SEZ6L: variants seen among roughly 807,000 people sequenced by gnomAD.
SEZ6L encodes seizure 6-like protein.
SEZ6L carries 37 observed loss-of-function variants against 106.2 expected under a neutral mutation model. The ratio of observed to expected loss-of-function variants is 0.35; its 90% CI spans 0.27 to 0.46. The LOEUF is 0.46. Among genes scored for constraint, SEZ6L ranks in the 20% least tolerant of loss-of-function variants. SEZ6L has a pLI of 1.00. For synonymous variants in SEZ6L, 541 were observed against 570.4 expected (o/e 0.95, Z 0.73); for missense variants, 1,172 against 1,332.8 (o/e 0.88, Z 1.88).
rs964423822 is a variant in SEZ6L, at chr22:26,349,052, A to C, written c.2407+1139A>C. On this transcript the variant is annotated intron_variant, in intron 11 of 16. Transcript: ENST00000248933. Reference sequence around the variant, plus strand: ...TGAACATGAACTAGTTCCCTATAGAAGTCTTCTTACCTGCCTCATTTTTTG... The same window carrying C: ...TGAACATGAACTAGTTCCCTATAGACGTCTTCTTACCTGCCTCATTTTTTG... Among the ~76,000 whole-genome samples, 3 of 152,268 alleles carry C rather than the reference A, an allele frequency of 2.0e-5. No homozygotes were observed. The South Asian group carries it at 6.2e-4, about 32-fold the overall frequency.
At chr22:26,314,886 G>A (rs1209773224) in intron 9 of SEZ6L, among the ~76,000 whole-genome samples, 1 of 152,250 alleles carries the variant, frequency 6.6e-6, no homozygotes, top group Non-Finnish European at 1.5e-5. Context: ...GCGAGCAGCG[G>A]GGCTGAAATT....
chr22:26,214,551 C>T (rs1332228343), intron 1 of SEZ6L, among the ~76,000 whole-genome samples: 3 of 152,216 alleles, frequency 2.0e-5, no homozygotes, highest in African/African-American at 7.2e-5. Flanking sequence ...GCAGGAATAT[C>T]ATGTGGAGTA....
At chr22:26,244,157 T>C (rs1454581827) in intron 1 of SEZ6L, among the ~76,000 whole-genome samples, 1 of 127,526 alleles carries the variant, frequency 7.8e-6, no homozygotes, top group Non-Finnish European at 1.6e-5. Flanking sequence ...AGTGAGACCC[T>C]ATCTCAAAAG....
In SEZ6L at chr22:26,306,052, T is replaced by A; in HGVS notation, c.1422T>A (p.Asn474Lys). Residue 474 changes from asparagine (N) to lysine (K), a missense_variant, in exon 6 of 17, where the codon AAT becomes AAA. Physicochemically the swap from Asn to Lys is moderately conservative, Grantham distance 94 (BLOSUM62 0). This residue lies in a region of SEZ6L where 534 missense variants were observed against 691.0 expected (regional missense o/e 0.77). Transcript: ENST00000248933. ...CCCCAAGTTACCCTGAAAACACAAA[T>A]GGGAGCCAATTCTGCATCTGGACGA... ...VLSPSYPENT[N>K]GSQFCIWTIE... The A allele has an allele frequency of 6.3e-7, 1 of 1,584,632 alleles. No individual in the cohort carries two copies. The highest frequency in any genetic ancestry group is 8.6e-7 in the Non-Finnish European group (1 of 1,161,352).
At chr22:26,348,578 G>T (rs1569473343) in intron 11 of SEZ6L, among the ~76,000 whole-genome samples, 1 of 77,080 alleles carries the variant, frequency 1.3e-5, no homozygotes. Flanking sequence ...AAGAAAGAAA[G>T]AAAGAAAGAG....
chr22:26,291,884 A>G (rs183099194), intron 1 of SEZ6L, among the ~76,000 whole-genome samples: 27 of 152,240 alleles, frequency 1.8e-4, no homozygotes, highest in Non-Finnish European at 3.2e-4. Context: ...CCCAGTACAT[A>G]TACAACCAGG....
Position 26,169,479 on chromosome 22 carries a change from C to A in SEZ6L, c.-191C>A. ...TCCTCCTCACTCGCCCGCCCGCGCCCGGCGCAGCTCGGCCAGAGCGACCGC... is the reference window on the plus strand; with the variant it reads ...TCCTCCTCACTCGCCCGCCCGCGCCAGGCGCAGCTCGGCCAGAGCGACCGC... On this transcript the variant is annotated 5_prime_UTR_variant, in exon 1 of 17. Coordinates refer to ENST00000248933, the MANE Select transcript of SEZ6L (RefSeq NM_021115.5). 2.9e-6 allele frequency: 1 copy of A among 341,324 alleles called. No individual in the cohort carries two copies. Among genetic ancestry groups the A allele is most frequent in the Non-Finnish European group, 5.3e-6 (1 of 189,860 alleles). The allele number at this position is 341,324 out of a possible 1,614,324, so 21.1% of individuals were successfully genotyped here.
At chr22:26,265,183 A>G (rs2080136180) in intron 1 of SEZ6L, among the ~76,000 whole-genome samples, 1 of 152,118 alleles carries the variant, frequency 6.6e-6, no homozygotes, top group Admixed American at 6.6e-5. Context: ...GGGAGGAGGT[A>G]GGGATGGCAT....
rs1431105482 is a variant in SEZ6L at position 26,311,767 on chromosome 22, G to C, written c.1682-1G>C. ...CTGCTGCCTCTCTTTCCCTTCCTCA[G>C]CGTTTGAGAAAGGCCACTGCTATGA... On this transcript the variant is annotated splice_acceptor_variant, in intron 7 of 16. Transcript: ENST00000248933. LOFTEE classifies it high-confidence loss of function. The C allele has an allele frequency of 6.2e-7, 1 of 1,613,248 alleles. No homozygotes were observed. Among genetic ancestry groups the C allele is most frequent in the Non-Finnish European group, 8.5e-7 (1 of 1,179,218 alleles).
chr22:26,325,484 G>C (rs1008885128), intron 9 of SEZ6L, among the ~76,000 whole-genome samples: 1 of 152,206 alleles, frequency 6.6e-6, no homozygotes, highest in African/African-American at 2.4e-5. Flanking sequence ...GGAAGAATAA[G>C]AGACAAGATT....
chr22:26,178,812 G>T (rs1262420534), intron 1 of SEZ6L, among the ~76,000 whole-genome samples: 3 of 152,172 alleles, frequency 2.0e-5, no homozygotes, highest in Non-Finnish European at 4.4e-5. Flanking sequence ...TGATGGGAGT[G>T]GGTGGTAGTG....
intron 1 of SEZ6L, among the ~76,000 whole-genome samples, chr22:26,174,371 G>A (rs780353388): frequency 6.6e-6 from 1 of 152,202 alleles, no homozygotes; most frequent in Non-Finnish European, 1.5e-5. Flanking sequence ...AGAGGAAACA[G>A]AGGAGCGAGT....
intron 1 of SEZ6L, among the ~76,000 whole-genome samples, chr22:26,288,974 A>G (rs1019250822): frequency 6.6e-6 from 1 of 152,254 alleles, no homozygotes; most frequent in African/African-American, 2.4e-5. Context: ...TTTCCAATTT[A>G]GCAGGGTTAA....
chr22:26,175,671 G>T (rs934685154), intron 1 of SEZ6L, among the ~76,000 whole-genome samples: 1 of 152,140 alleles, frequency 6.6e-6, no homozygotes. Flanking sequence ...CTGGTTCATT[G>T]GTTGACACCG....
chr22:26,286,703 G>A (rs542139443), intron 1 of SEZ6L, among the ~76,000 whole-genome samples: 125 of 151,350 alleles, frequency 8.3e-4, no homozygotes, highest in African/African-American at 2.8e-3. Context: ...TTCTGCTGCG[G>A]CTGGGGATTT....
intron 6 of SEZ6L, among the ~76,000 whole-genome samples, chr22:26,308,221 A>G (rs1423111502): frequency 4.6e-5 from 7 of 152,198 alleles, no homozygotes; most frequent in African/African-American, 7.2e-5. Flanking sequence ...CCTAAAGTCA[A>G]AATGGAAGGA....
At chr22:26,185,415 C>G (rs1280665850) in intron 1 of SEZ6L, among the ~76,000 whole-genome samples, 1 of 152,214 alleles carries the variant, frequency 6.6e-6, no homozygotes, top group African/African-American at 2.4e-5. Context: ...CTGTCCCTCT[C>G]TGGTCTTTAG....
rs554622004 is a variant in SEZ6L at position 26,195,726 on chromosome 22, C to T, written c.94+25963C>T. ...AAGTTAATATGTGTGTGTATGTATA[C>T]GTATGTGTATGTATGTGTGTGTGTG... On this transcript the variant is annotated intron_variant, in intron 1 of 16. Transcript: ENST00000248933. 8.3e-4 allele frequency among the ~76,000 whole-genome samples: 126 copies of T among 151,094 alleles called. 5 individuals are homozygous for T. In the South Asian group the frequency reaches 0.024, roughly 29 times the overall value.
intron 5 of SEZ6L, among the ~76,000 whole-genome samples, chr22:26,304,235 C>T (rs1282154413): frequency 6.6e-6 from 1 of 151,254 alleles, no homozygotes; most frequent in South Asian, 2.1e-4. Flanking sequence ...ACCTGTAATC[C>T]CAGCTACTCA....
Sources: gnomAD v4.1 joint callset for allele counts (sites outside exome capture counted in the v4.1 genomes callset) on GRCh38, gnomAD v4.1.1 for gene constraint, gnomAD v4.1.1 regional missense constraint, MANE v1.5 for transcripts, NCBI Gene and HGNC (gene_info 2026-07-23, HGNC 2026-07-21) for gene names.